Variants in PRKG1 observed in about 807,000 individuals in gnomAD.
PRKG1 encodes cGMP-dependent protein kinase 1.
In PRKG1, 35 loss-of-function variants were observed where a neutral mutation model predicts 88.1. The observed-to-expected ratio is 0.40, with a 90% CI of 0.30 to 0.53. The LOEUF (loss-of-function observed/expected upper bound fraction) is 0.53, where lower values mean the gene tolerates loss of function less well. PRKG1 is among the 20% of genes least tolerant of loss of function. PRKG1 has a pLI of 0.59. For missense variants in PRKG1, 540 were observed against 839.8 expected (o/e 0.64, Z 4.41); for synonymous variants, 303 against 292.5 (o/e 1.04, Z -0.37).
chr10:52,178,695 A>G (rs959412854), intron 9 of PRKG1, among the ~76,000 whole-genome samples: 1 of 151,968 alleles, frequency 6.6e-6, no homozygotes, highest in Non-Finnish European at 1.5e-5. Flanking sequence ...ATGCATATAG[A>G]TTTACAGTTA....
chr10:51,559,676 T>A (rs1455427835), intron 3 of PRKG1, among the ~76,000 whole-genome samples: 1 of 152,142 alleles, frequency 6.6e-6, no homozygotes, highest in Non-Finnish European at 1.5e-5. Context: ...AAAGGAATAT[T>A]ATATTGTCCT....
intron 4 of PRKG1, among the ~76,000 whole-genome samples, chr10:51,861,086 G>C (rs755125743): frequency 6.6e-6 from 1 of 152,020 alleles, no homozygotes; most frequent in East Asian, 1.9e-4. Context: ...TAAAAAAAAA[G>C]TATACCCATT....
At chr10:51,959,556 C>G (rs554773420) in intron 5 of PRKG1, among the ~76,000 whole-genome samples, 1 of 152,208 alleles carries the variant, frequency 6.6e-6, no homozygotes, top group Admixed American at 6.5e-5. Context: ...CAATTTTTCT[C>G]CTTCTCCCCA....
At chr10:52,123,657 G>C (rs936606634) in intron 7 of PRKG1, among the ~76,000 whole-genome samples, 1 of 152,016 alleles carries the variant, frequency 6.6e-6, no homozygotes, top group African/African-American at 2.4e-5. Flanking sequence ...AATGGCTGTA[G>C]CAATAACATT....
At chr10:52,062,422 T>C in intron 6 of PRKG1, 115 bp from the exon 7 acceptor site, 1 of 638,482 alleles carries the variant, frequency 1.6e-6, no homozygotes, top group South Asian at 4.0e-5. Flanking sequence ...TTAAATGCTT[T>C]TTCTTTATAA....
chr10:51,317,700 G>A (rs1325932463), intron 2 of PRKG1, among the ~76,000 whole-genome samples: 1 of 152,114 alleles, frequency 6.6e-6, no homozygotes, highest in Non-Finnish European at 1.5e-5. Flanking sequence ...GATAACCTGG[G>A]GTTTATTCTG....
chr10:52,055,041 CAGG>C (rs1846078412), intron 6 of PRKG1, among the ~76,000 whole-genome samples: 1 of 152,142 alleles, frequency 6.6e-6, no homozygotes, highest in Non-Finnish European at 1.5e-5. Flanking sequence ...GAGGCTGAGA[CAGG>C]AGGATTGCTT....
chr10:51,882,510 T>C (rs1464064535), intron 4 of PRKG1, among the ~76,000 whole-genome samples: 1 of 152,208 alleles, frequency 6.6e-6, no homozygotes. Context: ...CTTTATCCTT[T>C]GTGTTTAACT....
At chr10:51,407,010 G>A (rs951279420) in intron 2 of PRKG1, among the ~76,000 whole-genome samples, 3 of 152,134 alleles carry the variant, frequency 2.0e-5, no homozygotes, top group Non-Finnish European at 2.9e-5. Context: ...CATGTAGGCT[G>A]GGAGGCTAGG....
At chr10:52,079,284 T>G (rs1846708465) in intron 7 of PRKG1, among the ~76,000 whole-genome samples, 1 of 152,168 alleles carries the variant, frequency 6.6e-6, no homozygotes, top group African/African-American at 2.4e-5. Flanking sequence ...CTATTAGATG[T>G]GCATGGTTTT....
intron 9 of PRKG1, among the ~76,000 whole-genome samples, chr10:52,174,939 G>A (rs1415253877): frequency 6.6e-6 from 1 of 151,944 alleles, no homozygotes; most frequent in East Asian, 1.9e-4. Flanking sequence ...AATGTATAGT[G>A]ATCTGATCAG....
chr10:51,420,391 T>C lies in PRKG1; in HGVS notation c.479-47332T>C, dbSNP rs111362557. 3.0e-3 allele frequency among the ~76,000 whole-genome samples: 463 copies of C among 152,278 alleles called. 1 individual carries two copies. The highest frequency in any genetic ancestry group is 0.011 in the African/African-American group (449 of 41,550). ...ACAGAATTTGTTGGGACTCCAGATT[T>C]CTTATTTCTAGCAAACTCCCAGTTG... On this transcript the variant is annotated intron_variant, in intron 2 of 17. Transcript: ENST00000373980.
At chr10:51,515,571 CTT>C (rs1841555139) in intron 3 of PRKG1, among the ~76,000 whole-genome samples, 1 of 152,278 alleles carries the variant, frequency 6.6e-6, no homozygotes, top group South Asian at 2.1e-4. Flanking sequence ...TTCAAAATGA[CTT>C]GACCTGGAAT....
rs367571697 is a variant in PRKG1 at position 51,393,298 on chromosome 10, G to A, written c.479-74425G>A. Among the ~76,000 whole-genome samples the A allele has an allele frequency of 5.9e-5, 9 of 151,922 alleles. No homozygotes were observed. The South Asian group carries it at 8.3e-4, about 14-fold the overall frequency. ...CAGAGACGCTCCTCACTTCCCAGAT[G>A]GGATGGCGGCCGGGAAGAGGCGCTC... On this transcript the variant is annotated intron_variant, in intron 2 of 17. Coordinates refer to ENST00000373980, the MANE Select transcript of PRKG1 (RefSeq NM_006258.4).
chr10:52,029,422 T>G (rs747378813), intron 5 of PRKG1, among the ~76,000 whole-genome samples: 1 of 152,148 alleles, frequency 6.6e-6, no homozygotes, highest in Non-Finnish European at 1.5e-5. Context: ...AAAGTACTAT[T>G]AGAGAGGAAT....
chr10:52,030,899 C>G (rs2133209219), intron 5 of PRKG1, among the ~76,000 whole-genome samples: 1 of 152,220 alleles, frequency 6.6e-6, no homozygotes, highest in Admixed American at 6.5e-5. Context: ...AAAGATACAT[C>G]ATTCTGTAAA....
chr10:51,707,157 A>G (rs1044764790), intron 3 of PRKG1, among the ~76,000 whole-genome samples: 1 of 152,242 alleles, frequency 6.6e-6, no homozygotes, highest in African/African-American at 2.4e-5. Flanking sequence ...TACTTCAATG[A>G]GAATTTTACC....
At chr10:51,029,979 G>A (rs1322171121) in intron 1 of PRKG1, among the ~76,000 whole-genome samples, 1 of 151,970 alleles carries the variant, frequency 6.6e-6, no homozygotes, top group African/African-American at 2.4e-5. Flanking sequence ...AGATTAATTA[G>A]GATAATGTTG....
At chr10:51,190,992 C>T (rs1016648010) in intron 2 of PRKG1, among the ~76,000 whole-genome samples, 3 of 151,908 alleles carry the variant, frequency 2.0e-5, no homozygotes, top group South Asian at 2.1e-4. Context: ...CCCATACCTT[C>T]GGTCTTTCCC....
Sources: gnomAD v4.1 joint callset for allele counts (sites outside exome capture counted in the v4.1 genomes callset) on GRCh38, gnomAD v4.1.1 for gene constraint, MANE v1.5 for transcripts, NCBI Gene and HGNC (gene_info 2026-07-23, HGNC 2026-07-21) for gene names.